The following ITGA1 variants were observed in gnomAD, a reference collection of about 807,000 sequenced individuals.
ITGA1 encodes integrin alpha-1.
A neutral mutation model predicts 145.9 loss-of-function variants in ITGA1; 85 were observed. The observed-to-expected ratio is 0.58, with a 90% CI of 0.49 to 0.70. ITGA1 has a LOEUF of 0.70. Ranked by LOEUF, ITGA1 falls within the 30% of genes least tolerant of loss-of-function variation. The probability of loss-of-function intolerance (pLI) is 0.00; values close to 1 mark genes in which losing one functional copy is unlikely to be tolerated. For missense variants in ITGA1, 1,351 were observed against 1,418.7 expected, an observed-to-expected ratio of 0.95 and a Z score of 0.77; for synonymous variants, 520 against 495.3, an observed-to-expected ratio of 1.05 and a Z score of -0.66.
Position 52,933,993 on chromosome 5 carries a change from C to G in ITGA1, c.2961C>G (p.Tyr987Ter). 7.4e-7 allele frequency: 1 copy of G among 1,348,204 alleles called. No homozygotes were observed. The highest frequency in any genetic ancestry group is 1.0e-6 in the Non-Finnish European group (1 of 987,910). 83.5% of individuals were successfully genotyped at this position (1,348,204 alleles called of 1,614,324 possible). Residue 987 changes from tyrosine to a stop codon, truncating the protein, a stop_gained, in exon 23 of 29, where the codon TAC (tyrosine) becomes TAG (stop). Coordinates refer to ENST00000282588, the MANE Select transcript of ITGA1 (RefSeq NM_181501.2). LOFTEE classifies it high-confidence loss of function. ...EDIGNEINIF[Y>*]LIRKSGSFPM... Reference sequence around the variant, plus strand: ...TTGGAAATGAAATTAATATCTTCTACTTGGTAAGAAATTACCTCTAAAATA... The same window carrying G: ...TTGGAAATGAAATTAATATCTTCTAGTTGGTAAGAAATTACCTCTAAAATA...
intron 8 of ITGA1, among the ~76,000 whole-genome samples, chr5:52,890,154 T>G (rs1297581813): frequency 1.3e-5 from 2 of 152,170 alleles, no homozygotes; most frequent in East Asian, 3.8e-4. Context: ...CTGAGCACAT[T>G]TACCACCTGC....
intron 26 of ITGA1, among the ~76,000 whole-genome samples, chr5:52,943,981 A>C (rs971733842): frequency 6.6e-6 from 1 of 152,142 alleles, no homozygotes; most frequent in Non-Finnish European, 1.5e-5. Flanking sequence ...CGCTGTGCAC[A>C]TGCTCCTGTG....
chr5:52,952,273 A>AAT, intron 28 of ITGA1, 134 bp from the exon 29 acceptor site: 1 of 460,016 alleles, frequency 2.2e-6, no homozygotes, highest in Non-Finnish European at 4.0e-6. Flanking sequence ...TCAATGAGAA[A>AAT]ATATTTCTTA....
Position 52,898,242 on chromosome 5 carries a change from T to G in ITGA1, c.1168T>G (p.Trp390Gly), listed in dbSNP as rs1750261251. ...TGFSAHYSQD[W>G]VMLGAVGAYD... ...ATCTTATTTATTTGCATGTAAGGAC[T>G]GGGTCATGCTTGGAGCAGTAGGAGC... The change falls in exon 11 of 29, where the codon TGG (tryptophan) becomes GGG (glycine). Residue 390 changes from tryptophan (W) to glycine (G), a missense_variant. Trp to Gly is a radical substitution (Grantham distance 184). Coordinates refer to ENST00000282588, the MANE Select transcript of ITGA1 (RefSeq NM_181501.2). The G allele has an allele frequency of 6.4e-7, 1 of 1,555,986 alleles. No individual in the cohort carries two copies. Among genetic ancestry groups the G allele is most frequent in the Non-Finnish European group, 8.7e-7 (1 of 1,153,480 alleles).
chr5:52,863,917 G>T (rs555026996), intron 3 of ITGA1: 6 of 152,280 alleles, frequency 3.9e-5, no homozygotes, highest in African/African-American at 1.4e-4. Flanking sequence ...AGGCCATTGC[G>T]CAGATCAGGA....
At chr5:52,822,751 C>T (rs141533615) in intron 1 of ITGA1, among the ~76,000 whole-genome samples, 166 of 152,346 alleles carry the variant, frequency 1.1e-3, no homozygotes, top group African/African-American at 3.8e-3. Flanking sequence ...TCGGTAATTA[C>T]ACCCCAGGGA....
chr5:52,933,304 C>T, intron 22 of ITGA1: 1 of 151,830 alleles, frequency 6.6e-6, no homozygotes, highest in East Asian at 1.9e-4. Context: ...TTTCTGTATC[C>T]ACTTCTATTG....
At chr5:52,801,447 G>A (rs1374059100) in intron 1 of ITGA1, 5 of 1,614,076 alleles carry the variant, frequency 3.1e-6, no homozygotes, top group Non-Finnish European at 4.2e-6. Flanking sequence ...CCCTGAAAGA[G>A]GCCCTTTGTG....
Position 52,788,073 on chromosome 5 carries a change from G to A in ITGA1, c.-281G>A, listed in dbSNP as rs1748157021. 1 of 394,782 alleles carries A rather than the reference G, an allele frequency of 2.5e-6. No individual in the cohort carries two copies. Among genetic ancestry groups the A allele is most frequent in the South Asian group, 6.3e-5 (1 of 15,940 alleles). The allele number at this position is 394,782 out of a possible 1,614,324, so 24.5% of individuals were successfully genotyped here. A position where few individuals can be genotyped will look rare whatever the true frequency, so the allele number is the denominator to read the frequency against. ...GCTTTATTTGTCCATGTCTCGGACA[G>A]AGCCTGGGAAGCTGCCAGTGAGATT... is the stretch of plus-strand genomic sequence containing the variant. On this transcript the variant is annotated 5_prime_UTR_variant, in exon 1 of 29. Coordinates refer to ENST00000282588, the MANE Select transcript of ITGA1 (RefSeq NM_181501.2).
intron 17 of ITGA1, 41 bp downstream of exon 17, chr5:52,920,509 A>G: frequency 6.8e-7 from 1 of 1,460,122 alleles, no homozygotes; most frequent in Non-Finnish European, 9.2e-7. Context: ...TTCCAAATCA[A>G]GAATACAGTA....
intron 1 of ITGA1, among the ~76,000 whole-genome samples, chr5:52,821,215 G>T (rs1249417656): frequency 6.6e-6 from 1 of 152,158 alleles, no homozygotes; most frequent in African/African-American, 2.4e-5. Flanking sequence ...TAAGATTAAG[G>T]ATGACTGTGA....
At chr5:52,937,849 A>G (rs1256987433) in intron 24 of ITGA1, among the ~76,000 whole-genome samples, 1 of 152,068 alleles carries the variant, frequency 6.6e-6, no homozygotes, top group Non-Finnish European at 1.5e-5. Flanking sequence ...TCTGGTGACA[A>G]CTGGCAACCC....
At chr5:52,932,787 A>G (rs1345836617) in intron 22 of ITGA1, 1 of 152,094 alleles carries the variant, frequency 6.6e-6, no homozygotes, top group East Asian at 1.9e-4. Flanking sequence ...CATTTTATTA[A>G]TTTTTTAATA....
At chr5:52,834,836 C>G (rs974987139) in intron 1 of ITGA1, among the ~76,000 whole-genome samples, 3 of 152,002 alleles carry the variant, frequency 2.0e-5, no homozygotes, top group Non-Finnish European at 2.9e-5. Flanking sequence ...TCCCTAAAGG[C>G]CCTATTTCCA....
chr5:52,906,429 A>G (rs1013535495), intron 12 of ITGA1, among the ~76,000 whole-genome samples: 3 of 152,212 alleles, frequency 2.0e-5, no homozygotes, highest in Non-Finnish European at 4.4e-5. Context: ...TGTCTGTAAT[A>G]TTTAAAATTG....
intron 7 of ITGA1, among the ~76,000 whole-genome samples, chr5:52,887,158 T>C (rs879469789): frequency 1.3e-5 from 2 of 152,178 alleles, no homozygotes; most frequent in Non-Finnish European, 2.9e-5. Context: ...AAATGTTTTG[T>C]AACTCCTTCA....
At position 52,958,235 on chromosome 5, in the gene ITGA1, A is replaced by T. The variant is rs1000139366; in HGVS notation, c.*5784A>T. ...TTTTGCACCTTGAGAGACAGGAAAA[A>T]AAATGGGGGTGAGGGAGTGGAAGAT... On this transcript the variant is annotated 3_prime_UTR_variant, in exon 29 of 29. Coordinates refer to ENST00000282588, the MANE Select transcript of ITGA1 (RefSeq NM_181501.2). 9 of 152,162 alleles carry T rather than the reference A, an allele frequency of 5.9e-5. No individual in the cohort carries two copies. Among genetic ancestry groups the T allele is most frequent in the Non-Finnish European group, 1.2e-4 (8 of 68,046 alleles). The allele number at this position is 152,162 out of a possible 1,614,324, so 9.4% of individuals were successfully genotyped here.
rs150235402 is a variant in ITGA1, at chr5:52,945,622, A to C, written c.3378+587A>C. Among the ~76,000 whole-genome samples, 270 of 152,232 alleles carry C rather than the reference A, an allele frequency of 1.8e-3. 1 individual carries two copies. Among genetic ancestry groups the C allele is most frequent in the African/African-American group, 6.0e-3 (250 of 41,554 alleles). ...AGCCAAGGTGACGGAGTAAGACCCC[A>C]TCTCTAAAAAAATAAAATAAAATAA... On this transcript the variant is annotated intron_variant, in intron 27 of 28. Coordinates refer to ENST00000282588, the MANE Select transcript of ITGA1 (RefSeq NM_181501.2).
At chr5:52,898,671 A>G (rs887394896) in intron 11 of ITGA1, among the ~76,000 whole-genome samples, 2 of 152,146 alleles carry the variant, frequency 1.3e-5, no homozygotes, top group Admixed American at 1.3e-4. Context: ...TCTGGTATCA[A>G]CTTTAACTTC....
Sources: allele counts gnomAD v4.1 joint callset (sites outside exome capture counted in the v4.1 genomes callset), GRCh38; gene constraint gnomAD v4.1.1; transcripts MANE v1.5; gene names NCBI Gene and HGNC (gene_info 2026-07-23, HGNC 2026-07-21).